BBS9: variants seen among roughly 807,000 people sequenced by gnomAD.
BBS9 encodes protein PTHB1.
BBS9 carries 89 observed loss-of-function variants against 117.7 expected under a neutral mutation model. The ratio of observed to expected loss-of-function variants is 0.76; its 90% CI spans 0.64 to 0.90. BBS9 has a LOEUF of 0.90. Ranked by LOEUF, BBS9 falls within the 40% of genes least tolerant of loss-of-function variation. BBS9 has a pLI of 0.00. For synonymous variants in BBS9, 379 were observed against 370.9 expected (o/e 1.02, Z -0.25); for missense variants, 982 against 1,042.2 (o/e 0.94, Z 0.80).
chr7:33,160,671 T>A (rs139250204), intron 4 of BBS9, among the ~76,000 whole-genome samples: 2 of 152,192 alleles, frequency 1.3e-5, no homozygotes, highest in African/African-American at 4.8e-5. Context: ...CCAATGGGTG[T>A]ACAGTTCCAA....
At chr7:33,362,829 A>G (rs969068180) in intron 16 of BBS9, among the ~76,000 whole-genome samples, 2 of 152,158 alleles carry the variant, frequency 1.3e-5, no homozygotes, top group African/African-American at 4.8e-5. Flanking sequence ...TTGTGATTGT[A>G]TTGATTCCAT....
At chr7:33,590,391 C>T (rs1318866936) in intron 21 of BBS9, among the ~76,000 whole-genome samples, 1 of 149,356 alleles carries the variant, frequency 6.7e-6, no homozygotes, top group Non-Finnish European at 1.5e-5. Flanking sequence ...GATCTGGACC[C>T]TAATCTTTGT....
chr7:33,138,751 AT>A (rs1367370892), intron 1 of BBS9, among the ~76,000 whole-genome samples: 13 of 145,774 alleles, frequency 8.9e-5, no homozygotes, highest in Admixed American at 2.1e-4. Context: ...ACTGGCTAAT[AT>A]TTTTTTTTTG....
chr7:33,449,293 G>C (rs962729771), intron 19 of BBS9, among the ~76,000 whole-genome samples: 5 of 152,244 alleles, frequency 3.3e-5, no homozygotes, highest in African/African-American at 9.6e-5. Context: ...AGTAAAGGAG[G>C]GGGTACGTGA....
At chr7:33,396,076 AAAAAC>A (rs372022267) in intron 19 of BBS9, among the ~76,000 whole-genome samples, 8 of 152,280 alleles carry the variant, frequency 5.3e-5, no homozygotes, top group East Asian at 1.9e-4. Flanking sequence ...GGTGGTAAGT[AAAAAC>A]AAAACAAAAC....
intron 20 of BBS9, among the ~76,000 whole-genome samples, chr7:33,510,297 C>A (rs1470576904): frequency 6.6e-6 from 1 of 151,822 alleles, no homozygotes; most frequent in Non-Finnish European, 1.5e-5. Context: ...AAACATGTCT[C>A]GATTGACCCT....
chr7:33,237,108 C>T (rs1583805477), intron 5 of BBS9, among the ~76,000 whole-genome samples: 1 of 152,048 alleles, frequency 6.6e-6, no homozygotes, highest in Non-Finnish European at 1.5e-5. Context: ...CTGAAAAGTT[C>T]CTTTTCATTT....
chr7:33,381,379 C>T (rs545100933), intron 17 of BBS9, among the ~76,000 whole-genome samples: 1 of 152,262 alleles, frequency 6.6e-6, no homozygotes, highest in African/African-American at 2.4e-5. Flanking sequence ...TCCTTGAGGG[C>T]AGAAGCTCTT....
intron 7 of BBS9, 82 bp from the exon 8 acceptor site, chr7:33,272,930 A>C (rs564815265): frequency 3.4e-5 from 46 of 1,366,114 alleles, no homozygotes; most frequent in Non-Finnish European, 4.5e-5. Context: ...TTGTAAAGCA[A>C]TTTCTTAATT....
chr7:33,156,829 A>G (rs1321510489), intron 4 of BBS9, among the ~76,000 whole-genome samples: 3 of 151,550 alleles, frequency 2.0e-5, no homozygotes, highest in African/African-American at 7.3e-5. Flanking sequence ...GTGTGCTCTC[A>G]TTGATTTTAT....
In BBS9 at chr7:33,190,068, T is replaced by G. The variant is rs189074220; in HGVS notation, c.442+12477T>G. On this transcript the variant is annotated intron_variant, in intron 5 of 22. Coordinates refer to ENST00000242067, the MANE Select transcript of BBS9 (RefSeq NM_198428.3). ...ATCAACATCTTAAACTTATTTGCTT[T>G]CCTTTAAAAAATTTCTTTTCTTGAT... 4.6e-5 allele frequency among the ~76,000 whole-genome samples: 7 copies of G among 151,740 alleles called. No homozygotes were observed. The East Asian group carries it at 1.4e-3, about 30-fold the overall frequency.
chr7:33,190,856 G>A (rs1379747267), intron 5 of BBS9, among the ~76,000 whole-genome samples: 1 of 152,212 alleles, frequency 6.6e-6, no homozygotes, highest in Non-Finnish European at 1.5e-5. Context: ...GAGTGGAGAG[G>A]GAAGAGGGGT....
intron 19 of BBS9, among the ~76,000 whole-genome samples, chr7:33,443,800 A>G (rs966429345): frequency 4.6e-5 from 7 of 152,196 alleles, no homozygotes; most frequent in Admixed American, 1.3e-4. Context: ...ACTTTTAAAA[A>G]ATTACTTTAC....
chr7:33,520,478 G>A (rs1432941090), intron 20 of BBS9, among the ~76,000 whole-genome samples: 5 of 152,150 alleles, frequency 3.3e-5, no homozygotes, highest in African/African-American at 1.2e-4. Flanking sequence ...ATCTTAGTAA[G>A]CATCTGGCAA....
chr7:33,470,227 G>C lies in BBS9; in HGVS notation c.2116-35236G>C, dbSNP rs377327608. On this transcript the variant is annotated intron_variant, in intron 19 of 22. Transcript: ENST00000242067. Reference sequence around the variant, plus strand: ...TAGAATTACAAGAATATTTTTTCCAGATTTTTACATTTATTTTCATATTAG... The same window carrying C: ...TAGAATTACAAGAATATTTTTTCCACATTTTTACATTTATTTTCATATTAG... Among the ~76,000 whole-genome samples, 18 of 151,732 alleles carry C rather than the reference G, an allele frequency of 1.2e-4. No homozygotes were observed. In the East Asian group the frequency reaches 3.1e-3, roughly 26 times the overall value.
chr7:33,235,148 G>A (rs147495534), intron 5 of BBS9, among the ~76,000 whole-genome samples: 100 of 152,232 alleles, frequency 6.6e-4, no homozygotes, highest in Non-Finnish European at 1.2e-3. Flanking sequence ...TTAGGAGTGA[G>A]AATTTTGCAT....
At chr7:33,487,529 T>C (rs1048678914) in intron 19 of BBS9, among the ~76,000 whole-genome samples, 1 of 152,208 alleles carries the variant, frequency 6.6e-6, no homozygotes, top group Non-Finnish European at 1.5e-5. Flanking sequence ...AGGAGGATTG[T>C]CTAGAAAAGT....
chr7:33,296,310 T>C (rs903791411), intron 9 of BBS9, among the ~76,000 whole-genome samples: 16 of 152,194 alleles, frequency 1.1e-4, no homozygotes, highest in Non-Finnish European at 2.2e-4. Context: ...ACATACCGTA[T>C]GTGTAAAACA....
chr7:33,349,033 T>G, intron 12 of BBS9, 35 bp from the exon 13 acceptor site: 1 of 1,396,724 alleles, frequency 7.2e-7, no homozygotes, highest in Non-Finnish European at 1.0e-6. Context: ...GAATAAAATG[T>G]AATTTTCTAT....
Sources: allele counts gnomAD v4.1 joint callset (sites outside exome capture counted in the v4.1 genomes callset), GRCh38; gene constraint gnomAD v4.1.1; transcripts MANE v1.5; gene names NCBI Gene and HGNC (gene_info 2026-07-23, HGNC 2026-07-21).